ANKS1B: variants seen among roughly 807,000 people sequenced by gnomAD.
ANKS1B encodes the protein ankyrin repeat and sterile alpha motif domain-containing protein 1B.
ANKS1B carries 36 observed loss-of-function variants against 148.3 expected under a neutral mutation model. The ratio of observed to expected loss-of-function variants is 0.24; its 90% CI spans 0.19 to 0.32. The LOEUF is 0.32. Ranked by LOEUF, ANKS1B falls within the 10% of genes least tolerant of loss-of-function variation. The pLI is 1.00. For synonymous variants in ANKS1B, 542 were observed against 560.8 expected, an observed-to-expected ratio of 0.97 and a Z score of 0.47; for missense variants, 1,157 against 1,542.6, an observed-to-expected ratio of 0.75 and a Z score of 4.19.
chr12:99,167,431 C>T (rs1327613092), intron 14 of ANKS1B, among the ~76,000 whole-genome samples: 1 of 151,900 alleles, frequency 6.6e-6, no homozygotes, highest in Non-Finnish European at 1.5e-5. Flanking sequence ...AAGATTTGAA[C>T]AGAATCAGAG....
In ANKS1B at chr12:99,042,345, T is replaced by A. The variant is rs577551896; in HGVS notation, c.2778+10812A>T. Among the ~76,000 whole-genome samples, 5 of 152,324 alleles carry A rather than the reference T, an allele frequency of 3.3e-5. No individual in the cohort carries two copies. In the South Asian group the frequency reaches 6.2e-4, roughly 19 times the overall value. On this transcript the variant is annotated intron_variant, in intron 17 of 26. Coordinates refer to ENST00000683438, the MANE Select transcript of ANKS1B (RefSeq NM_001352186.2). Reference sequence around the variant, plus strand: ...TGAAGACATGTCTGCGATAGCATACTAGAGAGTGGGGCACAGGGAGTCCCA... The same window carrying A: ...TGAAGACATGTCTGCGATAGCATACAAGAGAGTGGGGCACAGGGAGTCCCA...
At chr12:99,131,589 C>G (rs987745514) in intron 15 of ANKS1B, among the ~76,000 whole-genome samples, 1 of 152,290 alleles carries the variant, frequency 6.6e-6, no homozygotes, top group South Asian at 2.1e-4. Context: ...TAATTTTTAG[C>G]CTAAACTTTT....
chr12:99,772,884 A>G (rs2063331289), intron 8 of ANKS1B, 38 bp downstream of exon 8: 2 of 1,586,380 alleles, frequency 1.3e-6, no homozygotes, highest in Admixed American at 3.5e-5. Context: ...ACTGGCAAAG[A>G]CAGACACATT....
intron 14 of ANKS1B, among the ~76,000 whole-genome samples, chr12:99,236,728 T>C (rs2088029082): frequency 6.6e-6 from 1 of 152,216 alleles, no homozygotes; most frequent in Non-Finnish European, 1.5e-5. Flanking sequence ...GGCATGCTTG[T>C]CTTGTGCTGA....
chr12:99,660,412 G>A (rs915647115), intron 8 of ANKS1B, among the ~76,000 whole-genome samples: 2 of 131,684 alleles, frequency 1.5e-5, no homozygotes, highest in African/African-American at 5.9e-5. Flanking sequence ...TGTCCAGGCT[G>A]CAGTGCAGTG....
intron 12 of ANKS1B, among the ~76,000 whole-genome samples, chr12:99,248,706 T>TA (rs1463318855): frequency 6.6e-6 from 1 of 152,130 alleles, no homozygotes; most frequent in Non-Finnish European, 1.5e-5. Flanking sequence ...AACTAACACT[T>TA]AGACAACTTA....
chr12:99,294,954 T>C (rs2080642933), intron 12 of ANKS1B, among the ~76,000 whole-genome samples: 1 of 152,188 alleles, frequency 6.6e-6, no homozygotes, highest in African/African-American at 2.4e-5. Context: ...AAGAATATAA[T>C]TGGAAGGTTT....
chr12:99,883,616 CAG>C (rs376940410), intron 1 of ANKS1B, among the ~76,000 whole-genome samples: 7,998 of 87,614 alleles, frequency 0.091, 666 homozygotes, highest in African/African-American at 0.25. Context: ...AGACTTGGGG[CAG>C]GGGGGAATCT....
intron 9 of ANKS1B, among the ~76,000 whole-genome samples, chr12:99,636,360 T>C (rs11109960): frequency 0.19 from 28,304 of 152,154 alleles, 2,874 homozygotes; most frequent in Admixed American, 0.24. Flanking sequence ...TTGTTTTGTA[T>C]ATGCTTCTGT....
At chr12:99,092,351 G>C (rs2054307840) in intron 15 of ANKS1B, among the ~76,000 whole-genome samples, 1 of 151,774 alleles carries the variant, frequency 6.6e-6, no homozygotes, top group Non-Finnish European at 1.5e-5. Context: ...AGCTCCCACT[G>C]TGGTACAGAC....
At chr12:99,937,221 G>A (rs1375638680) in intron 1 of ANKS1B, among the ~76,000 whole-genome samples, 2 of 152,264 alleles carry the variant, frequency 1.3e-5, no homozygotes, top group East Asian at 1.9e-4. Context: ...CTCATTGACA[G>A]CAGGAGAGCC....
chr12:99,227,347 G>A (rs1023801752), intron 14 of ANKS1B, among the ~76,000 whole-genome samples: 20 of 152,140 alleles, frequency 1.3e-4, no homozygotes, highest in African/African-American at 4.1e-4. Context: ...CCTAGAACGC[G>A]AGCAGATGCC....
chr12:99,847,443 C>A (rs1322848202), intron 1 of ANKS1B, among the ~76,000 whole-genome samples: 1 of 152,146 alleles, frequency 6.6e-6, no homozygotes, highest in Non-Finnish European at 1.5e-5. Context: ...ATTCTCTAAC[C>A]TACTGTCTGA....
At chr12:99,888,381 C>T (rs781460506) in intron 1 of ANKS1B, among the ~76,000 whole-genome samples, 2 of 152,204 alleles carry the variant, frequency 1.3e-5, no homozygotes, top group Non-Finnish European at 2.9e-5. Flanking sequence ...TAGACACTCA[C>T]ACACACAAAG....
chr12:99,083,798 G>A (rs1203726778), intron 16 of ANKS1B: 2 of 151,722 alleles, frequency 1.3e-5, no homozygotes, highest in Non-Finnish European at 2.9e-5. Flanking sequence ...ATGGTTCCTG[G>A]GGCCTCCTGA....
chr12:99,137,549 C>T (rs2068564246), intron 15 of ANKS1B, among the ~76,000 whole-genome samples: 1 of 152,198 alleles, frequency 6.6e-6, no homozygotes, highest in Admixed American at 6.5e-5. Flanking sequence ...CTCAGTTACA[C>T]AGAGAGGGCT....
chr12:98,916,416 C>A (rs1259395425), intron 17 of ANKS1B, among the ~76,000 whole-genome samples: 1 of 152,236 alleles, frequency 6.6e-6, no homozygotes, highest in Non-Finnish European at 1.5e-5. Context: ...AGGCGGCAGT[C>A]TATCCAACAC....
At chr12:99,269,835 A>C (rs1368807762) in intron 12 of ANKS1B, among the ~76,000 whole-genome samples, 2 of 152,194 alleles carry the variant, frequency 1.3e-5, no homozygotes, top group African/African-American at 4.8e-5. Context: ...CTGGGATTAC[A>C]GGCGTGAGCC....
intron 17 of ANKS1B, among the ~76,000 whole-genome samples, chr12:98,885,724 C>T (rs1234608569): frequency 6.6e-6 from 1 of 152,182 alleles, no homozygotes; most frequent in Non-Finnish European, 1.5e-5. Flanking sequence ...AGACATTTAA[C>T]ACAAGTTAAG....
Sources: allele counts gnomAD v4.1 joint callset (sites outside exome capture counted in the v4.1 genomes callset), GRCh38; gene constraint gnomAD v4.1.1; transcripts MANE v1.5; gene names NCBI Gene and HGNC (gene_info 2026-07-23, HGNC 2026-07-21).